Variants in ACACA observed in about 807,000 individuals in gnomAD.
ACACA encodes the protein acetyl-CoA carboxylase alpha.
ACACA carries 103 observed loss-of-function variants against 296.1 expected under a neutral mutation model. The observed-to-expected ratio is 0.35, with a 90% CI of 0.30 to 0.41. The LOEUF (loss-of-function observed/expected upper bound fraction) is 0.41, where lower values mean the gene tolerates loss of function less well. ACACA is among the 10% of genes least tolerant of loss of function. The pLI, the probability that ACACA is intolerant of heterozygous loss-of-function variation, is 1.00. For synonymous variants in ACACA, 953 were observed against 1,038.6 expected, an observed-to-expected ratio of 0.92 and a Z score of 1.58; for missense variants, 1,554 against 2,989.7, an observed-to-expected ratio of 0.52 and a Z score of 11.20.
At chr17:37,114,369 C>A (rs1053290850) in intron 50 of ACACA, among the ~76,000 whole-genome samples, 1 of 151,454 alleles carries the variant, frequency 6.6e-6, no homozygotes, top group Admixed American at 6.6e-5. Context: ...CCTATCTCTA[C>A]AAAAACCAAA....
At chr17:37,126,957 G>T (rs2074818295) in intron 47 of ACACA, among the ~76,000 whole-genome samples, 1 of 152,040 alleles carries the variant, frequency 6.6e-6, no homozygotes, top group Non-Finnish European at 1.5e-5. Flanking sequence ...CTTATCACAG[G>T]GAATCATCTG....
chr17:37,270,682 G>C, intron 10 of ACACA, 69 bp downstream of exon 10: 2 of 1,184,038 alleles, frequency 1.7e-6, no homozygotes, highest in South Asian at 1.3e-5. Context: ...CCAAATTATA[G>C]TATGAGTTAA....
chr17:37,386,007 A>AG, intron 1 of ACACA: 1 of 1,565,738 alleles, frequency 6.4e-7, no homozygotes. Context: ...TTTGTTTTAT[A>AG]GCTTTTTTAC....
intron 49 of ACACA, 91 bp downstream of exon 49, chr17:37,122,440 T>C (rs2074570761): frequency 1.9e-6 from 2 of 1,051,488 alleles, no homozygotes; most frequent in African/African-American, 3.1e-5. Flanking sequence ...CCTCTAAAAC[T>C]GATGGTTTGC....
intron 25 of ACACA, 58 bp from the exon 26 acceptor site, chr17:37,226,510 G>T (rs966709138): frequency 5.7e-6 from 8 of 1,410,928 alleles, no homozygotes; most frequent in Non-Finnish European, 8.0e-6. Context: ...CAGGTGGATA[G>T]GATTTTAAAA....
intron 55 of ACACA, among the ~76,000 whole-genome samples, chr17:37,088,322 TAAGTAGTTCAGA>T (rs1341932750): frequency 6.6e-6 from 1 of 152,164 alleles, no homozygotes; most frequent in Non-Finnish European, 1.5e-5. Context: ...GTAACACCCT[TAAGTAGTTCAGA>T]AAGAGGAAAA....
At position 37,097,171 on chromosome 17, in the gene ACACA, A is replaced by G. The variant is rs199926065; in HGVS notation, c.6721-5T>C. 4 of 1,612,760 alleles carry G rather than the reference A, an allele frequency of 2.5e-6. No individual in the cohort carries two copies. The African/African-American group carries it at 4.0e-5, about 16-fold the overall frequency. On this transcript the variant is annotated splice_polypyrimidine_tract_variant and splice_region_variant and intron_variant, in intron 53 of 55. Coordinates refer to ENST00000616317, the MANE Select transcript of ACACA (RefSeq NM_198834.3). This position sits in a 1 kb window ranked among gnomAD's most constrained non-coding sequence, Gnocchi z 4.8. Reference sequence around the variant, plus strand: ...TGTTTTCCAATCCAGGATATCCTACATGCAGAGAAGAATAAACTTAGCCCA... The same window carrying G: ...TGTTTTCCAATCCAGGATATCCTACGTGCAGAGAAGAATAAACTTAGCCCA...
intron 52 of ACACA, among the ~76,000 whole-genome samples, chr17:37,098,847 T>C (rs1029649569): frequency 4.6e-5 from 7 of 152,326 alleles, no homozygotes; most frequent in Admixed American, 3.3e-4. Flanking sequence ...CCCCAATCAA[T>C]AGTGTCCCAG....
intron 31 of ACACA, 148 bp downstream of exon 31, chr17:37,207,509 C>G (rs955216290): frequency 3.3e-6 from 3 of 911,296 alleles, no homozygotes; most frequent in Non-Finnish European, 5.2e-6. Flanking sequence ...ATATATACCT[C>G]TCCAACGGCA....
chr17:37,313,320 A>T (rs2046938667), intron 3 of ACACA, among the ~76,000 whole-genome samples: 1 of 152,094 alleles, frequency 6.6e-6, no homozygotes, highest in African/African-American at 2.4e-5. Flanking sequence ...AAAAAAAAGA[A>T]CTAAAGAACT....
At chr17:37,187,367 G>A (rs2077577786) in intron 39 of ACACA, among the ~76,000 whole-genome samples, 1 of 152,156 alleles carries the variant, frequency 6.6e-6, no homozygotes, top group Admixed American at 6.5e-5. Context: ...ATCTCTCCCT[G>A]GCACCCAAAG....
Position 37,243,449 on chromosome 17 carries a change from C to T in ACACA, c.2853G>A (p.Val951=), listed in dbSNP as rs2080519712. 1.9e-6 allele frequency: 3 copies of T among 1,614,158 alleles called. No homozygotes were observed. The highest frequency in any genetic ancestry group is 2.5e-6 in the Non-Finnish European group (3 of 1,180,020). Residue 951 remains valine (V), a synonymous_variant, in exon 22 of 56, where the codon GTG becomes GTA. Coordinates refer to ENST00000616317, the MANE Select transcript of ACACA (RefSeq NM_198834.3). ...TSVSGRIPPN[V]EKSIKKEMAQ... is the part of the protein sequence containing the mutation. ...CCATTTCCTTCTTGATAGACTTCTC[C>T]ACATTGGGGGGAATGCGGCCAGACA... is the stretch of plus-strand genomic sequence containing the variant.
intron 29 of ACACA, among the ~76,000 whole-genome samples, chr17:37,218,513 T>C (rs910818902): frequency 4.6e-5 from 7 of 152,234 alleles, no homozygotes; most frequent in African/African-American, 1.7e-4. Context: ...CAGTACTGGT[T>C]TAGAAGTAGT....
At chr17:37,244,351 G>A (rs1009836398) in intron 21 of ACACA, among the ~76,000 whole-genome samples, 1 of 150,984 alleles carries the variant, frequency 6.6e-6, no homozygotes, top group African/African-American at 2.4e-5. Context: ...GGGCAACAGA[G>A]CAAGACTCCG....
chr17:37,152,770 G>A (rs1194020094), intron 43 of ACACA, among the ~76,000 whole-genome samples: 1 of 152,166 alleles, frequency 6.6e-6, no homozygotes, highest in African/African-American at 2.4e-5. Context: ...TACCCAGAAG[G>A]CTTGGCAGTG....
At chr17:37,116,151 C>A (rs1203182387) in intron 50 of ACACA, among the ~76,000 whole-genome samples, 1 of 151,972 alleles carries the variant, frequency 6.6e-6, no homozygotes, top group South Asian at 2.1e-4. Context: ...TGCCACCATG[C>A]GCAGCTAATT....
chr17:37,333,530 C>T (rs887681236), intron 2 of ACACA, among the ~76,000 whole-genome samples: 2 of 152,022 alleles, frequency 1.3e-5, no homozygotes, highest in African/African-American at 4.8e-5. Flanking sequence ...CTCACGGGGA[C>T]ATAGTTTCCT....
rs767421092 is a variant in ACACA at position 37,263,874 on chromosome 17, T to A, written c.1140A>T (p.Gly380=). Residue 380 remains glycine, a synonymous_variant, in exon 11 of 56, where the codon GGA becomes GGT. Coordinates refer to ENST00000616317, the MANE Select transcript of ACACA (RefSeq NM_198834.3). Reference sequence around the variant, plus strand: ...CTAGTCTCATCACAAATATGGGAGATCCAGGAACTTCAGCTTGAACCTGTA... The same window carrying A: ...CTAGTCTCATCACAAATATGGGAGAACCAGGAACTTCAGCTTGAACCTGTA... ...LFRQVQAEVP[G]SPIFVMRLAK... 15 of 1,613,664 alleles carry A rather than the reference T, an allele frequency of 9.3e-6. No homozygotes were observed. Among genetic ancestry groups the A allele is most frequent in the Admixed American group, 3.3e-5 (2 of 59,946 alleles).
intron 1 of ACACA, chr17:37,389,189 G>A: frequency 6.5e-7 from 1 of 1,534,962 alleles, no homozygotes; most frequent in Non-Finnish European, 8.8e-7. Flanking sequence ...AGGTTTGGAA[G>A]AAAACCAAAT....
Sources: gnomAD v4.1 joint callset for allele counts (sites outside exome capture counted in the v4.1 genomes callset) on GRCh38, gnomAD v4.1.1 for gene constraint, Gnocchi (gnomAD v3.1) non-coding constraint, MANE v1.5 for transcripts, NCBI Gene and HGNC (gene_info 2026-07-23, HGNC 2026-07-21) for gene names.